HECW1: variants seen among roughly 807,000 people sequenced by gnomAD.
The protein encoded by HECW1 is HECT, C2 and WW domain containing E3 ubiquitin protein ligase 1, also known as E3 ubiquitin-protein ligase HECW1.
A neutral mutation model predicts 182.3 loss-of-function variants in HECW1; 61 were observed. The ratio of observed to expected loss-of-function variants is 0.33; its 90% confidence interval spans 0.27 to 0.41. HECW1 has a LOEUF of 0.41. Among genes scored for constraint, HECW1 ranks in the 10% least tolerant of loss-of-function variants. The probability of loss-of-function intolerance (pLI) is 1.00; values close to 1 mark genes in which losing one functional copy is unlikely to be tolerated. For synonymous variants in HECW1, 859 were observed against 832.6 expected, an observed-to-expected ratio of 1.03 and a Z score of -0.55; for missense variants, 1,739 against 2,108.9, an observed-to-expected ratio of 0.82 and a Z score of 3.44.
At chr7:43,354,591 G>C (rs557008235) in intron 5 of HECW1, among the ~76,000 whole-genome samples, 1 of 152,172 alleles carries the variant, frequency 6.6e-6, no homozygotes, top group South Asian at 2.1e-4. Flanking sequence ...TCAAAGAGAG[G>C]CTATTTGAAA....
intron 19 of HECW1, among the ~76,000 whole-genome samples, chr7:43,500,181 AC>A (rs1390786718): frequency 1.3e-5 from 2 of 151,776 alleles, no homozygotes; most frequent in East Asian, 3.9e-4. Flanking sequence ...GTTCACTGCA[AC>A]TTCCGCCTCC....
chr7:43,541,994 G>T lies in HECW1; in HGVS notation c.4244G>T (p.Gly1415Val). The part of the protein sequence containing the change: ...LTFTVNEEVF[G>V]QVTERELKSG... ...TTCACTGTTAATGAAGAGGTTTTTG[G>T]ACAGGTTTGTGTGACATGGGGTTTG... The change falls in exon 26 of 30, where the codon GGA (glycine) becomes GTA (valine). Residue 1415 changes from glycine to valine, a missense_variant. Physicochemically the swap from Gly to Val is moderately radical, Grantham distance 109. Coordinates refer to ENST00000395891, the MANE Select transcript of HECW1 (RefSeq NM_015052.5). 6.6e-7 allele frequency: 1 copy of T among 1,526,098 alleles called. No homozygotes were observed. The highest frequency in any genetic ancestry group is 1.3e-5 in the South Asian group (1 of 75,160). 94.5% of individuals were successfully genotyped at this position (1,526,098 alleles called of 1,614,324 possible).
intron 2 of HECW1, among the ~76,000 whole-genome samples, chr7:43,214,073 GT>G (rs2152697281): frequency 6.6e-6 from 1 of 151,710 alleles, no homozygotes; most frequent in South Asian, 2.1e-4. Flanking sequence ...TATATTACTG[GT>G]ATTGTTTACT....
intron 24 of HECW1, among the ~76,000 whole-genome samples, chr7:43,512,472 T>TATG (rs1222770862): frequency 2.0e-5 from 3 of 152,244 alleles, no homozygotes; most frequent in African/African-American, 4.8e-5. Flanking sequence ...TGCTGTGAAA[T>TATG]TGGTATTCAT....
At chr7:43,452,304 G>A (rs140432791) in intron 12 of HECW1, among the ~76,000 whole-genome samples, 7 of 152,266 alleles carry the variant, frequency 4.6e-5, no homozygotes, top group East Asian at 3.9e-4. Context: ...AATCTACTTC[G>A]AATCTGTGCA....
At chr7:43,345,306 G>T (rs547133429) in intron 5 of HECW1, among the ~76,000 whole-genome samples, 1 of 152,178 alleles carries the variant, frequency 6.6e-6, no homozygotes, top group African/African-American at 2.4e-5. Flanking sequence ...CTAAAGCAGG[G>T]ACATGGAGGC....
At position 43,565,445 on chromosome 7, in the gene HECW1, A is replaced by G. The variant is rs2082305462; in HGVS notation, c.*3519A>G. The G allele has an allele frequency of 5.1e-6, 1 of 196,618 alleles. No homozygotes were observed. The highest frequency in any genetic ancestry group is 7.9e-5 in the East Asian group (1 of 12,708). 12.2% of individuals were successfully genotyped at this position (196,618 alleles called of 1,614,324 possible). A position where few individuals can be genotyped will look rare whatever the true frequency, so the allele number is the denominator to read the frequency against. ...ATATTTTCAGTCCATGTGTCAAACC[A>G]TGTGTCCAAAATTTGGGTTCGGAAA... is the stretch of plus-strand genomic sequence containing the variant. On this transcript the variant is annotated 3_prime_UTR_variant, in exon 30 of 30. Coordinates refer to ENST00000395891, the MANE Select transcript of HECW1 (RefSeq NM_015052.5).
chr7:43,407,448 C>T (rs2075648659), intron 7 of HECW1, 114 bp from the exon 8 acceptor site: 1 of 738,426 alleles, frequency 1.4e-6, no homozygotes, highest in Non-Finnish European at 2.2e-6. Flanking sequence ...CTGAGTAACA[C>T]TAGAGATCTA....
chr7:43,410,257 T>C (rs2075756556), intron 8 of HECW1, among the ~76,000 whole-genome samples: 1 of 152,204 alleles, frequency 6.6e-6, no homozygotes, highest in Non-Finnish European at 1.5e-5. Flanking sequence ...GAGCCCAGGA[T>C]GCTGGCACGG....
At chr7:43,239,115 C>T (rs1798643701) in intron 2 of HECW1, 3 of 152,188 alleles carry the variant, frequency 2.0e-5, no homozygotes, top group East Asian at 1.9e-4. Flanking sequence ...TGAGACCAGA[C>T]GGCCACGTTT....
chr7:43,555,174 C>T (rs539176135), intron 29 of HECW1, among the ~76,000 whole-genome samples: 17 of 152,272 alleles, frequency 1.1e-4, no homozygotes, highest in African/African-American at 3.6e-4. Context: ...ACTTCTGCAG[C>T]GTATCACTTG....
Position 43,308,084 on chromosome 7 carries a change from T to A in HECW1, c.28-3679T>A, listed in dbSNP as rs1373097589. ...CATATAATATATAAATATAATATAT[T>A]ATATATTATATATGTTATATATAAT... On this transcript the variant is annotated intron_variant, in intron 3 of 29. Transcript: ENST00000395891. 7.5e-4 allele frequency among the ~76,000 whole-genome samples: 80 copies of A among 107,192 alleles called. 1 individual carries two copies. The highest frequency in any genetic ancestry group is 3.0e-3 in the African/African-American group (76 of 25,714). 70.3% of individuals were successfully genotyped at this position (107,192 alleles called of 152,430 possible).
intron 8 of HECW1, among the ~76,000 whole-genome samples, chr7:43,427,664 C>T (rs919537781): frequency 6.6e-6 from 1 of 152,150 alleles, no homozygotes; most frequent in Non-Finnish European, 1.5e-5. Flanking sequence ...GCACAACCTG[C>T]GTTCTCGGCT....
intron 6 of HECW1, among the ~76,000 whole-genome samples, chr7:43,370,979 C>G (rs899500625): frequency 2.0e-5 from 3 of 151,696 alleles, no homozygotes; most frequent in African/African-American, 7.3e-5. Flanking sequence ...GCTCCACTTC[C>G]TGGGTTCTCG....
At chr7:43,393,647 C>T (rs1244859913) in intron 6 of HECW1, among the ~76,000 whole-genome samples, 1 of 150,416 alleles carries the variant, frequency 6.6e-6, no homozygotes, top group African/African-American at 2.4e-5. Flanking sequence ...AGCTTAGTAG[C>T]TTTTGGAAAA....
intron 3 of HECW1, chr7:43,274,644 GGA>G (rs142241026): frequency 0.027 from 8,159 of 301,352 alleles, 4 homozygotes; most frequent in South Asian, 0.042. Context: ...GGGGAGGGAG[GGA>G]GAGAGAGAGA....
At chr7:43,507,497 A>G (rs1184483983) in intron 22 of HECW1, among the ~76,000 whole-genome samples, 3 of 152,126 alleles carry the variant, frequency 2.0e-5, no homozygotes, top group Non-Finnish European at 4.4e-5. Flanking sequence ...AGAACAGAAG[A>G]TTTTAGACAA....
intron 3 of HECW1, among the ~76,000 whole-genome samples, chr7:43,307,149 G>A (rs761171171): frequency 4.6e-5 from 7 of 152,026 alleles, no homozygotes; most frequent in Non-Finnish European, 7.4e-5. Context: ...TATTTAAATT[G>A]CTCTCAGAGG....
At position 43,322,195 on chromosome 7, in the gene HECW1, G is replaced by A. The variant is rs531998715; in HGVS notation, c.460+1453G>A. ...AGCGATTCTGCTGACTCAGCCTCCCGCGTAGCTGGGATTACAGGCACCTGC... is the reference window on the plus strand; with the variant it reads ...AGCGATTCTGCTGACTCAGCCTCCCACGTAGCTGGGATTACAGGCACCTGC... On this transcript the variant is annotated intron_variant, in intron 5 of 29. Transcript: ENST00000395891. Among the ~76,000 whole-genome samples the A allele has an allele frequency of 1.7e-4, 26 of 152,170 alleles. No individual in the cohort carries two copies. The South Asian group carries it at 4.1e-3, about 24-fold the overall frequency.
Sources: allele counts gnomAD v4.1 joint callset (sites outside exome capture counted in the v4.1 genomes callset), GRCh38; gene constraint gnomAD v4.1.1; transcripts MANE v1.5; gene names NCBI Gene and HGNC (gene_info 2026-07-23, HGNC 2026-07-21).